The following GRID2 variants were observed in gnomAD, a reference collection of about 807,000 sequenced individuals.
GRID2 encodes the protein glutamate ionotropic receptor delta type subunit 2.
GRID2 carries 33 observed loss-of-function variants against 114.8 expected under a neutral mutation model. The observed-to-expected ratio is 0.29, with a 90% CI of 0.22 to 0.38. The LOEUF is 0.38. Among genes scored for constraint, GRID2 ranks in the 10% least tolerant of loss-of-function variants. GRID2 has a pLI of 1.00. For missense variants in GRID2, 1,184 were observed against 1,257.7 expected (o/e 0.94, Z 0.89); for synonymous variants, 505 against 449.9 (o/e 1.12, Z -1.55).
rs985690723 is a variant in GRID2 at position 92,418,033 on chromosome 4, G to A, written c.88+113289G>A. ...AACCTCTTTTATAAATTACTCAGTC[G>A]TGTGTATGTTTTTATTAGCAGTGTG... On this transcript the variant is annotated intron_variant, in intron 1 of 15. Transcript: ENST00000282020. Among the ~76,000 whole-genome samples the A allele has an allele frequency of 4.6e-5, 7 of 152,216 alleles. 1 individual carries two copies. The highest frequency in any genetic ancestry group is 6.8e-3 in the Middle Eastern group (2 of 294).
intron 11 of GRID2, among the ~76,000 whole-genome samples, chr4:93,489,998 G>A (rs993091667): frequency 1.3e-5 from 2 of 151,926 alleles, no homozygotes; most frequent in South Asian, 2.1e-4. Context: ...CAGGGGACTC[G>A]TTGATATTGT....
intron 2 of GRID2, among the ~76,000 whole-genome samples, chr4:92,629,921 A>G (rs1730715818): frequency 6.8e-6 from 1 of 147,710 alleles, no homozygotes; most frequent in Admixed American, 6.8e-5. Flanking sequence ...ATATAATTAT[A>G]TTATAAATTA....
intron 2 of GRID2, among the ~76,000 whole-genome samples, chr4:92,881,722 T>C (rs1746032380): frequency 6.6e-6 from 1 of 152,186 alleles, no homozygotes. Flanking sequence ...TTGTTTTTAT[T>C]AAATAGGAAA....
At chr4:93,004,402 A>G (rs1721297865) in intron 2 of GRID2, among the ~76,000 whole-genome samples, 1 of 151,954 alleles carries the variant, frequency 6.6e-6, no homozygotes, top group African/African-American at 2.4e-5. Context: ...GCCTAGCTAT[A>G]TCTGTGCCTA....
rs557948919 is a variant in GRID2, at chr4:92,823,616, T to TGTATCTAGATC, written c.244+233330_244+233331insGTATCTAGATC. 5.4e-3 allele frequency among the ~76,000 whole-genome samples: 829 copies of TGTATCTAGATC among 152,248 alleles called. 12 individuals carry two copies. Among genetic ancestry groups the TGTATCTAGATC allele is most frequent in the African/African-American group, 0.019 (789 of 41,552 alleles). On this transcript the variant is annotated intron_variant, in intron 2 of 15. Transcript: ENST00000282020. ...AAACAATCACTGAAAAGTTCTAGAT[T>TGTATCTAGATC]AAAAATGTATCTAGATCATTGCACA...
intron 1 of GRID2, among the ~76,000 whole-genome samples, chr4:92,371,254 A>C (rs889602928): frequency 6.6e-6 from 1 of 152,166 alleles, no homozygotes; most frequent in African/African-American, 2.4e-5. Context: ...AAAATAATTT[A>C]TGAAGGAGGC....
At chr4:92,498,768 AAC>A (rs755510416) in intron 1 of GRID2, among the ~76,000 whole-genome samples, 5 of 151,880 alleles carry the variant, frequency 3.3e-5, no homozygotes, top group Non-Finnish European at 7.4e-5. Context: ...TAAATGCACA[AAC>A]ACATATTCCT....
intron 8 of GRID2, among the ~76,000 whole-genome samples, chr4:93,310,846 T>C (rs1037601305): frequency 6.6e-6 from 1 of 152,194 alleles, no homozygotes; most frequent in Non-Finnish European, 1.5e-5. Context: ...TGTCTCTAAA[T>C]TGATCTGCAA....
At chr4:93,100,311 G>A (rs185351885) in intron 3 of GRID2, among the ~76,000 whole-genome samples, 12 of 151,766 alleles carry the variant, frequency 7.9e-5, no homozygotes, top group Middle Eastern at 3.4e-3. Context: ...TTGCCAGATC[G>A]TGTCACCTCA....
intron 4 of GRID2, among the ~76,000 whole-genome samples, chr4:93,149,580 A>C (rs200949029): frequency 0.022 from 3,349 of 151,904 alleles, 38 homozygotes; most frequent in Middle Eastern, 0.055. Context: ...CATCAAAAAA[A>C]AAAAACAAAA....
intron 14 of GRID2, among the ~76,000 whole-genome samples, chr4:93,691,168 C>T (rs1284834130): frequency 6.6e-6 from 1 of 151,454 alleles, no homozygotes; most frequent in Non-Finnish European, 1.5e-5. Flanking sequence ...TATCTATTTC[C>T]ATAGTTAATT....
At chr4:93,344,984 AGTGT>A (rs35018148) in intron 8 of GRID2, among the ~76,000 whole-genome samples, 9,737 of 142,384 alleles carry the variant, frequency 0.068, 340 homozygotes, top group African/African-American at 0.094. Flanking sequence ...GTTGTATTCT[AGTGT>A]GTGTGTGTGT....
chr4:93,712,976 C>G (rs1354882041), intron 14 of GRID2, among the ~76,000 whole-genome samples: 1 of 152,078 alleles, frequency 6.6e-6, no homozygotes, highest in Non-Finnish European at 1.5e-5. Flanking sequence ...TCGCATCCTA[C>G]CTCCCACCTG....
At chr4:92,828,060 C>G (rs1184939717) in intron 2 of GRID2, among the ~76,000 whole-genome samples, 1 of 152,008 alleles carries the variant, frequency 6.6e-6, no homozygotes, top group Non-Finnish European at 1.5e-5. Flanking sequence ...TTCTTGACTT[C>G]AATCTCCAAC....
chr4:92,815,588 T>C (rs1384140820), intron 2 of GRID2, among the ~76,000 whole-genome samples: 2 of 152,016 alleles, frequency 1.3e-5, no homozygotes, highest in Non-Finnish European at 2.9e-5. Flanking sequence ...CATGTTGATT[T>C]CTGAAATGTT....
chr4:92,892,301 TA>T (rs888881729), intron 2 of GRID2, among the ~76,000 whole-genome samples: 81 of 151,538 alleles, frequency 5.3e-4, no homozygotes, highest in African/African-American at 1.9e-3. Flanking sequence ...ACTATTCTGT[TA>T]AAAAAAAATT....
At chr4:92,312,275 T>C (rs923186129) in intron 1 of GRID2, among the ~76,000 whole-genome samples, 1 of 152,052 alleles carries the variant, frequency 6.6e-6, no homozygotes, top group Non-Finnish European at 1.5e-5. Flanking sequence ...ATCTTCTAGG[T>C]ATATTTGGGT....
intron 1 of GRID2, among the ~76,000 whole-genome samples, chr4:92,417,868 C>T (rs887604521): frequency 2.6e-5 from 4 of 152,052 alleles, no homozygotes; most frequent in East Asian, 1.9e-4. Flanking sequence ...AAGTCTCATG[C>T]GATCTGACGG....
intron 13 of GRID2, among the ~76,000 whole-genome samples, chr4:93,613,221 T>A (rs528874895): frequency 4.8e-5 from 7 of 144,624 alleles, no homozygotes; most frequent in African/African-American, 1.5e-4. Flanking sequence ...TTCTAAATTT[T>A]TTTCAAAGTT....
Sources: allele counts gnomAD v4.1 joint callset (sites outside exome capture counted in the v4.1 genomes callset), GRCh38; gene constraint gnomAD v4.1.1; transcripts MANE v1.5; gene names NCBI Gene and HGNC (gene_info 2026-07-23, HGNC 2026-07-21).